PCDH9: variants seen among roughly 807,000 people sequenced by gnomAD.
PCDH9 encodes protocadherin-9.
PCDH9 carries 24 observed loss-of-function variants against 70.6 expected under a neutral mutation model. The observed-to-expected ratio is 0.34, with a 90% CI of 0.25 to 0.48. PCDH9 has a LOEUF of 0.48. Ranked by LOEUF, PCDH9 falls within the 20% of genes least tolerant of loss-of-function variation. The pLI, the probability that PCDH9 is intolerant of heterozygous loss-of-function variation, is 0.99. For synonymous variants in PCDH9, 562 were observed against 558.5 expected (o/e 1.01, Z -0.09); for missense variants, 1,281 against 1,503.6 (o/e 0.85, Z 2.45).
chr13:66,777,114 T>C (rs2079909051), intron 3 of PCDH9, among the ~76,000 whole-genome samples: 1 of 150,932 alleles, frequency 6.6e-6, no homozygotes, highest in Non-Finnish European at 1.5e-5. Context: ...CCTTACACCT[T>C]ATACAAAAAT....
At chr13:66,648,448 G>A (rs751754432) in intron 3 of PCDH9, among the ~76,000 whole-genome samples, 8 of 152,192 alleles carry the variant, frequency 5.3e-5, no homozygotes, top group East Asian at 3.9e-4. Context: ...GGACCTTATC[G>A]TAGACCACCA....
chr13:66,690,340 A>T (rs189413822), intron 3 of PCDH9, among the ~76,000 whole-genome samples: 1 of 152,304 alleles, frequency 6.6e-6, no homozygotes, highest in East Asian at 1.9e-4. Flanking sequence ...TTAGAAAAAA[A>T]CTTCGAGGTA....
At chr13:67,030,276 T>C (rs1369492246) in intron 2 of PCDH9, among the ~76,000 whole-genome samples, 1 of 152,136 alleles carries the variant, frequency 6.6e-6, no homozygotes, top group Non-Finnish European at 1.5e-5. Flanking sequence ...CAATTCAGAA[T>C]TCTTAAAAGG....
At chr13:66,333,398 C>T (rs1955976971) in intron 4 of PCDH9, among the ~76,000 whole-genome samples, 1 of 152,136 alleles carries the variant, frequency 6.6e-6, no homozygotes, top group Non-Finnish European at 1.5e-5. Context: ...GCTAGACCAG[C>T]AGGGGTGCCA....
At chr13:66,585,586 T>C (rs181563378) in intron 4 of PCDH9, among the ~76,000 whole-genome samples, 2 of 152,224 alleles carry the variant, frequency 1.3e-5, no homozygotes, top group Admixed American at 1.3e-4. Flanking sequence ...TCAGATCCCT[T>C]AACGCATTCC....
chr13:67,059,118 C>T (rs1442940014), intron 2 of PCDH9, among the ~76,000 whole-genome samples: 3 of 151,798 alleles, frequency 2.0e-5, no homozygotes, highest in Admixed American at 6.6e-5. Context: ...CCTCTCCTTC[C>T]TGTTCTTTCT....
At chr13:66,945,236 C>T (rs2083070065) in intron 2 of PCDH9, among the ~76,000 whole-genome samples, 1 of 151,994 alleles carries the variant, frequency 6.6e-6, no homozygotes, top group African/African-American at 2.4e-5. Context: ...TCCTTACTTT[C>T]CCTCATCTTC....
At chr13:67,136,257 A>G (rs1388809401) in intron 2 of PCDH9, among the ~76,000 whole-genome samples, 5 of 152,186 alleles carry the variant, frequency 3.3e-5, no homozygotes, top group Non-Finnish European at 7.4e-5. Flanking sequence ...TGTACCACGT[A>G]GCCTAGGTGT....
chr13:67,206,519 A>C (rs1054544177), intron 2 of PCDH9: 1 of 152,194 alleles, frequency 6.6e-6, no homozygotes, highest in Admixed American at 6.5e-5. Flanking sequence ...TATATTTGTA[A>C]AACTGTAGAA....
chr13:67,115,430 G>A (rs2086741289), intron 2 of PCDH9, among the ~76,000 whole-genome samples: 1 of 152,178 alleles, frequency 6.6e-6, no homozygotes, highest in Non-Finnish European at 1.5e-5. Flanking sequence ...GGAGCAGAAG[G>A]ATGAAGGAGC....
intron 4 of PCDH9, among the ~76,000 whole-genome samples, chr13:66,547,543 T>G (rs1199303211): frequency 6.6e-6 from 1 of 152,138 alleles, no homozygotes; most frequent in African/African-American, 2.4e-5. Context: ...GAAAGAACAT[T>G]CTTACATCCT....
At chr13:67,060,645 T>TA (rs1300441971) in intron 2 of PCDH9, among the ~76,000 whole-genome samples, 10 of 152,074 alleles carry the variant, frequency 6.6e-5, no homozygotes, top group African/African-American at 2.4e-4. Flanking sequence ...GGTGGCATTT[T>TA]AAATCAGCTT....
rs536542435 is a variant in PCDH9, at chr13:66,518,138, G to C, written c.3340+113072C>G. Among the ~76,000 whole-genome samples, 12 of 152,146 alleles carry C rather than the reference G, an allele frequency of 7.9e-5. No homozygotes were observed. In the East Asian group the frequency reaches 1.2e-3, roughly 15 times the overall value. ...GGGGAGCTTTTACTCATGGCAGAGG[G>C]CAAAACAAGAACTTACATGTCATAT... On this transcript the variant is annotated intron_variant, in intron 4 of 4. Coordinates refer to ENST00000377865, the MANE Select transcript of PCDH9 (RefSeq NM_203487.3).
At chr13:66,772,187 C>T (rs1290161653) in intron 3 of PCDH9, among the ~76,000 whole-genome samples, 1 of 152,180 alleles carries the variant, frequency 6.6e-6, no homozygotes, top group Non-Finnish European at 1.5e-5. Flanking sequence ...TTTATTAATA[C>T]AGTATGTTTC....
At chr13:66,984,139 A>G (rs1401562633) in intron 2 of PCDH9, among the ~76,000 whole-genome samples, 2 of 152,158 alleles carry the variant, frequency 1.3e-5, no homozygotes, top group Non-Finnish European at 2.9e-5. Flanking sequence ...GATGTAAATG[A>G]AATTGTAACT....
At chr13:66,867,016 C>CTTTTTT (rs562922937) in intron 3 of PCDH9, among the ~76,000 whole-genome samples, 1 of 137,024 alleles carries the variant, frequency 7.3e-6, no homozygotes, top group Non-Finnish European at 1.6e-5. Context: ...CAGTTTCTTT[C>CTTTTTT]TTTTTTTTTT....
intron 2 of PCDH9, among the ~76,000 whole-genome samples, chr13:67,072,024 A>G (rs762906421): frequency 2.0e-5 from 3 of 152,176 alleles, no homozygotes; most frequent in Non-Finnish European, 4.4e-5. Context: ...TGAAAGCTGT[A>G]GAGTTTTGCA....
intron 4 of PCDH9, among the ~76,000 whole-genome samples, chr13:66,546,059 C>T (rs1385151548): frequency 1.3e-5 from 2 of 151,634 alleles, no homozygotes; most frequent in Non-Finnish European, 2.9e-5. Context: ...AGGATGGTCT[C>T]GATCTCCTGA....
At chr13:66,945,856 A>G (rs1247738247) in intron 2 of PCDH9, among the ~76,000 whole-genome samples, 1 of 152,136 alleles carries the variant, frequency 6.6e-6, no homozygotes, top group Non-Finnish European at 1.5e-5. Context: ...ACTCATGGGT[A>G]TGTGTCTTAG....
Sources: allele counts gnomAD v4.1 joint callset (sites outside exome capture counted in the v4.1 genomes callset), GRCh38; gene constraint gnomAD v4.1.1; transcripts MANE v1.5; gene names NCBI Gene and HGNC (gene_info 2026-07-23, HGNC 2026-07-21).